The following VAT1L variants were observed in gnomAD, a reference collection of about 807,000 sequenced individuals.
The protein encoded by VAT1L is putative NADPH-dependent quinone oxidoreductase VAT1L.
In VAT1L, 34 loss-of-function variants were observed where a neutral mutation model predicts 44.1. The ratio of observed to expected loss-of-function variants is 0.77; its 90% CI spans 0.59 to 1.03. The LOEUF is 1.03. Ranked by LOEUF, VAT1L falls within the 50% of genes least tolerant of loss-of-function variation. The pLI is 0.00. For missense variants in VAT1L, 615 were observed against 538.8 expected, an observed-to-expected ratio of 1.14 and a Z score of -1.40; for synonymous variants, 253 against 202.2, an observed-to-expected ratio of 1.25 and a Z score of -2.13.
intron 7 of VAT1L, among the ~76,000 whole-genome samples, chr16:77,930,770 G>T (rs879795141): frequency 6.6e-6 from 1 of 152,082 alleles, no homozygotes; most frequent in Admixed American, 6.5e-5. Context: ...GTTCAAGGGG[G>T]CATGGAGAGA....
intron 7 of VAT1L, among the ~76,000 whole-genome samples, chr16:77,930,147 T>A (rs557351125): frequency 2.0e-5 from 3 of 152,280 alleles, no homozygotes; most frequent in Admixed American, 6.5e-5. Flanking sequence ...TTCCAGCCCA[T>A]ATTCCATGTC....
At chr16:77,820,657 C>G (rs1328862195) in intron 2 of VAT1L, among the ~76,000 whole-genome samples, 1 of 152,126 alleles carries the variant, frequency 6.6e-6, no homozygotes, top group African/African-American at 2.4e-5. Context: ...AACTGGAAGC[C>G]TTCTGCTTCT....
chr16:77,902,733 G>GA (rs1555518300), intron 7 of VAT1L, among the ~76,000 whole-genome samples: 1 of 5,122 alleles, frequency 2.0e-4, no homozygotes, highest in Non-Finnish European at 2.8e-4. Flanking sequence ...ATGGGGGGGT[G>GA]GGGGGGGTGT....
intron 2 of VAT1L, among the ~76,000 whole-genome samples, chr16:77,819,937 T>C (rs2016422908): frequency 1.3e-5 from 2 of 152,202 alleles, no homozygotes; most frequent in African/African-American, 4.8e-5. Flanking sequence ...CCATGTTAAG[T>C]GCGTTGGGTG....
At chr16:77,853,787 A>G (rs1388445708) in intron 3 of VAT1L, among the ~76,000 whole-genome samples, 1 of 152,150 alleles carries the variant, frequency 6.6e-6, no homozygotes, top group Non-Finnish European at 1.5e-5. Context: ...TAAAAGAGAA[A>G]AAAATAAGAC....
intron 3 of VAT1L, among the ~76,000 whole-genome samples, chr16:77,830,033 C>G (rs979647669): frequency 1.3e-5 from 2 of 152,132 alleles, no homozygotes; most frequent in East Asian, 3.9e-4. Context: ...ACTGGTCCAC[C>G]ACCTCCAGCC....
intron 1 of VAT1L, among the ~76,000 whole-genome samples, chr16:77,807,352 C>T (rs551279295): frequency 6.6e-6 from 1 of 152,320 alleles, no homozygotes; most frequent in Admixed American, 6.5e-5. Context: ...AAGTCTCCTT[C>T]CCCAAGCCTG....
intron 1 of VAT1L, among the ~76,000 whole-genome samples, chr16:77,789,749 T>G (rs2015799252): frequency 6.6e-6 from 1 of 152,058 alleles, no homozygotes; most frequent in African/African-American, 2.4e-5. Flanking sequence ...CAGAAGGAGC[T>G]CAGCTCTCTA....
At chr16:77,839,083 G>T (rs1449737137) in intron 3 of VAT1L, among the ~76,000 whole-genome samples, 2 of 152,096 alleles carry the variant, frequency 1.3e-5, no homozygotes, top group Non-Finnish European at 2.9e-5. Flanking sequence ...CTAGAGGGAG[G>T]AGTAAAAGCT....
At chr16:77,958,092 G>T (rs2018123138) in intron 7 of VAT1L, among the ~76,000 whole-genome samples, 3 of 151,990 alleles carry the variant, frequency 2.0e-5, no homozygotes, top group Admixed American at 2.0e-4. Flanking sequence ...ATTTTTTGTA[G>T]AGATGAGCAT....
intron 3 of VAT1L, among the ~76,000 whole-genome samples, chr16:77,850,227 C>G (rs1038569257): frequency 6.6e-6 from 1 of 152,222 alleles, no homozygotes; most frequent in Admixed American, 6.5e-5. Flanking sequence ...GAGCTTACAT[C>G]TCCTAAGCCC....
intron 3 of VAT1L, among the ~76,000 whole-genome samples, chr16:77,845,328 G>A (rs2016747684): frequency 6.6e-6 from 1 of 152,176 alleles, no homozygotes; most frequent in Admixed American, 6.5e-5. Flanking sequence ...CGGGATAAGA[G>A]TGTGGCAGTA....
chr16:77,855,628 T>A (rs541561530), intron 3 of VAT1L, among the ~76,000 whole-genome samples: 1 of 152,254 alleles, frequency 6.6e-6, no homozygotes, highest in African/African-American at 2.4e-5. Context: ...ATTTTATTAA[T>A]GTCTGTCATC....
chr16:77,921,600 G>A (rs1434853002), intron 7 of VAT1L, among the ~76,000 whole-genome samples: 3 of 152,104 alleles, frequency 2.0e-5, no homozygotes, highest in Non-Finnish European at 2.9e-5. Flanking sequence ...TATTTTATCT[G>A]TTCCTCTTAC....
At chr16:77,977,009 C>T (rs553569073) in intron 8 of VAT1L, among the ~76,000 whole-genome samples, 2 of 152,200 alleles carry the variant, frequency 1.3e-5, no homozygotes. Context: ...AGCTGATGCT[C>T]TCAATACCCC....
In VAT1L at chr16:77,857,811, T is replaced by A. The variant is rs186127758; in HGVS notation, c.580-4937T>A. On this transcript the variant is annotated intron_variant, in intron 3 of 8. Transcript: ENST00000302536. ...TATAATAATATAAGTACATAAGTGA[T>A]TTGGATTACCTATATTATCTCTCTC... is the stretch of plus-strand genomic sequence containing the variant. 4.2e-3 allele frequency among the ~76,000 whole-genome samples: 637 copies of A among 150,816 alleles called. 23 individuals carry two copies. The highest frequency in any genetic ancestry group is 0.037 in the Admixed American group (552 of 15,042).
At chr16:77,929,057 C>T (rs1009530595) in intron 7 of VAT1L, among the ~76,000 whole-genome samples, 1 of 152,094 alleles carries the variant, frequency 6.6e-6, no homozygotes, top group East Asian at 1.9e-4. Flanking sequence ...CCTCGTGATC[C>T]GCCCCCTTGG....
At chr16:77,870,957 C>A (rs2017025172) in intron 4 of VAT1L, among the ~76,000 whole-genome samples, 1 of 152,120 alleles carries the variant, frequency 6.6e-6, no homozygotes, top group South Asian at 2.1e-4. Flanking sequence ...AGTCCCAAGG[C>A]TGCTCATGGG....
At chr16:77,918,594 G>T (rs1253596258) in intron 7 of VAT1L, among the ~76,000 whole-genome samples, 1 of 152,108 alleles carries the variant, frequency 6.6e-6, no homozygotes, top group East Asian at 1.9e-4. Context: ...CTGCTGGGAG[G>T]GTGCGACCCA....
Sources: allele counts gnomAD v4.1 joint callset (sites outside exome capture counted in the v4.1 genomes callset), GRCh38; gene constraint gnomAD v4.1.1; transcripts MANE v1.5; gene names NCBI Gene and HGNC (gene_info 2026-07-23, HGNC 2026-07-21).